Variants in CFAP299 observed in about 807,000 individuals in gnomAD.
CFAP299 encodes cilia- and flagella-associated protein 299.
Under a neutral mutation model 27.0 loss-of-function variants are expected in CFAP299, and 21 were observed. The observed-to-expected ratio is 0.78, with a 90% CI of 0.55 to 1.12. The LOEUF (loss-of-function observed/expected upper bound fraction) is 1.12. Ranked by LOEUF, CFAP299 falls within the 50% of genes most tolerant of loss-of-function variation. The probability of loss-of-function intolerance (pLI) is 0.00; values close to 1 mark genes in which losing one functional copy is unlikely to be tolerated. For synonymous variants in CFAP299, 104 were observed against 98.1 expected (o/e 1.06, Z -0.36); for missense variants, 310 against 276.6 (o/e 1.12, Z -0.86).
chr4:80,423,036 T>C (rs1727363096), intron 2 of CFAP299, among the ~76,000 whole-genome samples: 1 of 152,204 alleles, frequency 6.6e-6, no homozygotes, highest in Non-Finnish European at 1.5e-5. Context: ...TATCTAAACA[T>C]ATCTAAACTT....
chr4:80,449,082 G>T (rs981489149), intron 2 of CFAP299, among the ~76,000 whole-genome samples: 1 of 152,034 alleles, frequency 6.6e-6, no homozygotes, highest in African/African-American at 2.4e-5. Context: ...ATACTTTTGC[G>T]GATGGTCTTG....
At chr4:80,955,737 C>T (rs1010449729) in intron 5 of CFAP299, among the ~76,000 whole-genome samples, 2 of 152,174 alleles carry the variant, frequency 1.3e-5, no homozygotes, top group African/African-American at 2.4e-5. Flanking sequence ...CGCGGTGGCT[C>T]ATGCCTGTAA....
At chr4:80,913,298 T>C (rs183939688) in intron 4 of CFAP299, among the ~76,000 whole-genome samples, 1 of 152,216 alleles carries the variant, frequency 6.6e-6, no homozygotes, top group East Asian at 1.9e-4. Flanking sequence ...GTAGGAAAAA[T>C]ACTAGCACTT....
chr4:80,372,334 T>C (rs1195680507), intron 2 of CFAP299, among the ~76,000 whole-genome samples: 1 of 152,206 alleles, frequency 6.6e-6, no homozygotes, highest in African/African-American at 2.4e-5. Flanking sequence ...GATTACAGTT[T>C]GGCATGAGAC....
chr4:80,485,065 C>CA (rs1304808711), intron 2 of CFAP299, among the ~76,000 whole-genome samples: 1 of 152,054 alleles, frequency 6.6e-6, no homozygotes, highest in Non-Finnish European at 1.5e-5. Flanking sequence ...AGGCTTTCCT[C>CA]AGCTAGGCTT....
chr4:80,493,943 T>C (rs1332697824), intron 2 of CFAP299, among the ~76,000 whole-genome samples: 1 of 151,110 alleles, frequency 6.6e-6, no homozygotes, highest in Non-Finnish European at 1.5e-5. Context: ...GCCCGGCTAA[T>C]TTTTTGTATT....
At chr4:80,608,229 T>C in intron 3 of CFAP299, 1 of 688,170 alleles carries the variant, frequency 1.5e-6, no homozygotes, top group East Asian at 2.8e-5. Context: ...AGATAACTGA[T>C]TCCAACAGTA....
At chr4:80,371,234 A>G (rs964207220) in intron 2 of CFAP299, among the ~76,000 whole-genome samples, 3 of 152,236 alleles carry the variant, frequency 2.0e-5, no homozygotes, top group African/African-American at 7.2e-5. Context: ...GAAACTGCAC[A>G]GGATAGCGGG....
At chr4:80,944,391 G>T (rs75195012) in intron 4 of CFAP299, among the ~76,000 whole-genome samples, 5 of 152,136 alleles carry the variant, frequency 3.3e-5, no homozygotes, top group African/African-American at 4.8e-5. Context: ...AGCGGAGCCT[G>T]AAAGAAGTGA....
At chr4:80,428,093 A>G (rs1393000917) in intron 2 of CFAP299, among the ~76,000 whole-genome samples, 2 of 152,178 alleles carry the variant, frequency 1.3e-5, no homozygotes, top group African/African-American at 4.8e-5. Flanking sequence ...CTCAATAAAA[A>G]CAGAACTCAA....
At chr4:80,779,844 G>A (rs1279831669) in intron 3 of CFAP299, among the ~76,000 whole-genome samples, 1 of 151,920 alleles carries the variant, frequency 6.6e-6, no homozygotes, top group African/African-American at 2.4e-5. Context: ...AAAATGATAG[G>A]ACCTTTCTTT....
At chr4:80,661,446 A>G (rs1197837489) in intron 3 of CFAP299, among the ~76,000 whole-genome samples, 1 of 152,142 alleles carries the variant, frequency 6.6e-6, no homozygotes, top group Non-Finnish European at 1.5e-5. Flanking sequence ...AGTTTCCCAA[A>G]TTAATACTTT....
chr4:80,799,872 ATT>A lies in CFAP299; in HGVS notation c.334-70120_334-70119del, dbSNP rs1491351139. 1.6e-4 allele frequency among the ~76,000 whole-genome samples: 5 copies of A among 31,910 alleles called. 1 individual carries two copies. The highest frequency in any genetic ancestry group is 7.7e-4 in the African/African-American group (5 of 6,458). 20.9% of individuals were successfully genotyped at this position (31,910 alleles called of 152,430 possible). On this transcript the variant is annotated intron_variant, in intron 3 of 5. Transcript: ENST00000358105. Reference sequence around the variant, plus strand: ...TAATATATAAATATATATTATATATATTATATTATATAATATATAAATTATAT... The same window carrying A: ...TAATATATAAATATATATTATATATAATATTATATAATATATAAATTATAT...
chr4:80,326,714 A>G, the CFAP299 span, among the ~76,000 whole-genome samples: 2 of 152,224 alleles, frequency 1.3e-5, no homozygotes, highest in African/African-American at 4.8e-5. Context: ...TTAGAAATAA[A>G]TGTAGATACA....
At chr4:80,456,233 A>G (rs1014635295) in intron 2 of CFAP299, among the ~76,000 whole-genome samples, 4 of 152,040 alleles carry the variant, frequency 2.6e-5, no homozygotes, top group Non-Finnish European at 4.4e-5. Context: ...AAATAAAGGG[A>G]GTGGAGCAGC....
chr4:80,874,063 C>A (rs13129485), intron 4 of CFAP299, among the ~76,000 whole-genome samples: 37,059 of 152,100 alleles, frequency 0.24, 6,619 homozygotes, highest in African/African-American at 0.5. Flanking sequence ...GTGCATTCTT[C>A]TGAAAGCATT....
At position 80,963,533 on chromosome 4, in the gene CFAP299, A is replaced by G. The variant is rs1213006513; in HGVS notation, c.623A>G (p.Asn208Ser). The G allele has an allele frequency of 1.2e-5, 19 of 1,600,550 alleles. No homozygotes were observed. The highest frequency in any genetic ancestry group is 1.5e-5 in the Non-Finnish European group (18 of 1,173,968). ...NVDPKAQPGDNSTRITILTEL... is the reference protein window; with the variant it reads ...NVDPKAQPGDSSTRITILTEL... ...GTATTTTAGGCGCAGCCAGGTGACAACTCTACTAGAATCACTATCCTGACA... is the reference window on the plus strand; with the variant it reads ...GTATTTTAGGCGCAGCCAGGTGACAGCTCTACTAGAATCACTATCCTGACA... Residue 208 changes from asparagine (N) to serine (S), a missense_variant, in exon 6 of 6, where the codon AAC becomes AGC. Asn to Ser is a conservative substitution (Grantham distance 46). Transcript: ENST00000358105.
intron 3 of CFAP299, among the ~76,000 whole-genome samples, chr4:80,845,307 A>T (rs1191876615): frequency 6.6e-6 from 1 of 151,042 alleles, no homozygotes; most frequent in African/African-American, 2.4e-5. Flanking sequence ...AGACCGTTCA[A>T]GTTTTTCAGT....
In CFAP299 at chr4:80,870,585, C is replaced by T. The variant is rs142672138; in HGVS notation, c.476+450C>T. On this transcript the variant is annotated intron_variant, in intron 4 of 5. Coordinates refer to ENST00000358105, the MANE Select transcript of CFAP299 (RefSeq NM_152770.3). ...TTCTGGGACACCCATTCCTTAACAC[C>T]CATCATTCTTTTTACTACCAATGCT... 5.2e-4 allele frequency: 512 copies of T among 986,380 alleles called. 1 individual carries two copies. In the African/African-American group the frequency reaches 8.2e-3, roughly 16 times the overall value. The allele number at this position is 986,380 out of a possible 1,614,324, so 61.1% of individuals were successfully genotyped here.
Sources: allele counts gnomAD v4.1 joint callset (sites outside exome capture counted in the v4.1 genomes callset), GRCh38; gene constraint gnomAD v4.1.1; transcripts MANE v1.5; gene names NCBI Gene and HGNC (gene_info 2026-07-23, HGNC 2026-07-21).